Variants in CDH13 observed in about 807,000 individuals in gnomAD.
CDH13 encodes cadherin 13.
In CDH13, 24 loss-of-function variants were observed where a neutral mutation model predicts 63.8. That is an observed-to-expected ratio of 0.38 (90% CI 0.27 to 0.53). CDH13 has a LOEUF of 0.53. Among genes scored for constraint, CDH13 ranks in the 20% least tolerant of loss-of-function variants. CDH13 has a pLI of 0.85. For synonymous variants in CDH13, 503 were observed against 355.3 expected (o/e 1.42, Z -4.67); for missense variants, 1,049 against 903.1 (o/e 1.16, Z -2.07).
At chr16:83,254,197 A>G (rs1905931949) in intron 5 of CDH13, among the ~76,000 whole-genome samples, 1 of 152,154 alleles carries the variant, frequency 6.6e-6, no homozygotes, top group African/African-American at 2.4e-5. Context: ...CCCTGTGCAA[A>G]TTAGCCTCCC....
intron 7 of CDH13, among the ~76,000 whole-genome samples, chr16:83,541,955 A>G (rs548270216): frequency 1.3e-5 from 2 of 152,230 alleles, no homozygotes; most frequent in African/African-American, 2.4e-5. Context: ...GCAAGTGTCC[A>G]GCATTTGGAA....
At chr16:83,700,107 C>T (rs890250217) in intron 10 of CDH13, among the ~76,000 whole-genome samples, 7 of 152,194 alleles carry the variant, frequency 4.6e-5, no homozygotes, top group Non-Finnish European at 5.9e-5. Flanking sequence ...CAGCCCCAGG[C>T]AACCACTGAT....
chr16:83,512,349 T>C (rs1598193165), intron 7 of CDH13, among the ~76,000 whole-genome samples: 1 of 139,888 alleles, frequency 7.1e-6, no homozygotes, highest in Non-Finnish European at 1.5e-5. Context: ...AATAAATAAA[T>C]AAATAAATAA....
intron 11 of CDH13, among the ~76,000 whole-genome samples, chr16:83,754,557 G>A (rs1261520778): frequency 6.6e-6 from 1 of 152,166 alleles, no homozygotes; most frequent in Non-Finnish European, 1.5e-5. Context: ...TGCTGTGGGA[G>A]GGACCCAGTG....
At chr16:83,413,490 A>G (rs1339153406) in intron 6 of CDH13, among the ~76,000 whole-genome samples, 1 of 152,230 alleles carries the variant, frequency 6.6e-6, no homozygotes, top group African/African-American at 2.4e-5. Context: ...CATAAATGGA[A>G]TGGAATAAAT....
chr16:83,342,522 C>G (rs1309460398), intron 5 of CDH13, among the ~76,000 whole-genome samples: 2 of 152,216 alleles, frequency 1.3e-5, no homozygotes, highest in African/African-American at 2.4e-5. Flanking sequence ...AAGTCTGAGT[C>G]AAACTCTGAT....
chr16:82,962,349 A>G (rs1907146326), intron 2 of CDH13, among the ~76,000 whole-genome samples: 1 of 152,244 alleles, frequency 6.6e-6, no homozygotes, highest in South Asian at 2.1e-4. Context: ...GAGACTTCCA[A>G]AAAAGCGTGG....
At chr16:83,096,806 C>A (rs1234543419) in intron 3 of CDH13, among the ~76,000 whole-genome samples, 1 of 152,164 alleles carries the variant, frequency 6.6e-6, no homozygotes, top group Non-Finnish European at 1.5e-5. Flanking sequence ...TGCTATTGTT[C>A]AGTTTGCACT....
chr16:83,554,645 A>G (rs1032530804), intron 7 of CDH13, among the ~76,000 whole-genome samples: 3 of 152,100 alleles, frequency 2.0e-5, no homozygotes, highest in African/African-American at 7.2e-5. Flanking sequence ...TGCAAAAACC[A>G]CAACCTTGCA....
chr16:82,822,621 A>C (rs1453342205), intron 1 of CDH13, among the ~76,000 whole-genome samples: 1 of 152,086 alleles, frequency 6.6e-6, no homozygotes, highest in Non-Finnish European at 1.5e-5. Flanking sequence ...TAGCCTTCTG[A>C]ATAGCTGAGA....
At chr16:83,688,735 A>G (rs190404697) in intron 10 of CDH13, among the ~76,000 whole-genome samples, 23 of 152,198 alleles carry the variant, frequency 1.5e-4, no homozygotes, top group Admixed American at 1.4e-3. Context: ...GTGTTGTTCC[A>G]TTGTAAGTTT....
chr16:83,433,574 T>C (rs938754216), intron 6 of CDH13, among the ~76,000 whole-genome samples: 1 of 152,168 alleles, frequency 6.6e-6, no homozygotes, highest in African/African-American at 2.4e-5. Context: ...TTCATGTTCA[T>C]TTTTGTGAGC....
chr16:83,181,107 T>C, intron 4 of CDH13: 1 of 1,112,292 alleles, frequency 9.0e-7, no homozygotes, highest in Non-Finnish European at 1.2e-6. Flanking sequence ...TTGATCACAT[T>C]ATTGGGTATT....
chr16:82,802,137 C>G (rs2036891856), intron 1 of CDH13, among the ~76,000 whole-genome samples: 1 of 152,108 alleles, frequency 6.6e-6, no homozygotes, highest in Non-Finnish European at 1.5e-5. Context: ...GAGCCTGCTT[C>G]TAAGGGGCAT....
At chr16:83,389,861 G>A (rs969012693) in intron 6 of CDH13, among the ~76,000 whole-genome samples, 6 of 152,204 alleles carry the variant, frequency 3.9e-5, no homozygotes, top group African/African-American at 9.6e-5. Flanking sequence ...TTAAATCTAC[G>A]AAGAACATTG....
At chr16:82,956,645 C>T (rs1705265863) in intron 2 of CDH13, among the ~76,000 whole-genome samples, 1 of 152,188 alleles carries the variant, frequency 6.6e-6, no homozygotes, top group Admixed American at 6.5e-5. Flanking sequence ...CCCCTGATGC[C>T]ATCTCTGGTT....
intron 4 of CDH13, among the ~76,000 whole-genome samples, chr16:83,152,673 ACTGT>A (rs1415877608): frequency 6.6e-6 from 1 of 152,218 alleles, no homozygotes; most frequent in Non-Finnish European, 1.5e-5. Flanking sequence ...CAAAAGCAGG[ACTGT>A]TTTGGACAAA....
chr16:83,302,926 G>T (rs1002436232), intron 5 of CDH13, among the ~76,000 whole-genome samples: 2 of 152,148 alleles, frequency 1.3e-5, no homozygotes. Flanking sequence ...AGACTTCCAG[G>T]TGCAGTCACT....
At chr16:82,986,874 A>G (rs1006861448) in intron 2 of CDH13, among the ~76,000 whole-genome samples, 4 of 152,290 alleles carry the variant, frequency 2.6e-5, no homozygotes, top group Admixed American at 1.3e-4. Flanking sequence ...AACTTTTATG[A>G]GTTAGGTACT....
Sources: allele counts gnomAD v4.1 joint callset (sites outside exome capture counted in the v4.1 genomes callset), GRCh38; gene constraint gnomAD v4.1.1; transcripts MANE v1.5; gene names NCBI Gene and HGNC (gene_info 2026-07-23, HGNC 2026-07-21).